FGF12: variants seen among roughly 807,000 people sequenced by gnomAD.
The protein encoded by FGF12 is fibroblast growth factor 12, also known as fibroblast growth factor 12B.
In FGF12, 14 loss-of-function variants were observed where a neutral mutation model predicts 23.6. The ratio of observed to expected loss-of-function variants is 0.59; its 90% CI spans 0.39 to 0.93. FGF12 has a LOEUF of 0.93. Ranked by LOEUF, FGF12 falls within the 40% of genes least tolerant of loss-of-function variation. The pLI, the probability that FGF12 is intolerant of heterozygous loss-of-function variation, is 0.00. For missense variants in FGF12, 175 were observed against 217.8 expected, an observed-to-expected ratio of 0.80 and a Z score of 1.24; for synonymous variants, 62 against 77.3, an observed-to-expected ratio of 0.80 and a Z score of 1.04.
intron 2 of FGF12, among the ~76,000 whole-genome samples, chr3:192,485,031 C>T (rs1445944173): frequency 6.6e-6 from 1 of 150,820 alleles, no homozygotes; most frequent in African/African-American, 2.5e-5. Flanking sequence ...TATGTGTACA[C>T]ATAAATTTTA....
chr3:192,162,283 A>C (rs28538552), intron 5 of FGF12, among the ~76,000 whole-genome samples: 5 of 151,892 alleles, frequency 3.3e-5, no homozygotes, highest in Non-Finnish European at 5.9e-5. Context: ...TCTAAGTGCT[A>C]GTTTGGAAGA....
chr3:192,258,610 T>G (rs1171125754), intron 4 of FGF12, among the ~76,000 whole-genome samples: 1 of 152,186 alleles, frequency 6.6e-6, no homozygotes. Flanking sequence ...CTTAATCTTT[T>G]GCTCTGTTGT....
chr3:192,305,165 A>C (rs2108663567), intron 4 of FGF12, among the ~76,000 whole-genome samples: 1 of 152,226 alleles, frequency 6.6e-6, no homozygotes, highest in African/African-American at 2.4e-5. Flanking sequence ...AAGATGTTTG[A>C]CTACTTTAAA....
intron 5 of FGF12, among the ~76,000 whole-genome samples, chr3:192,146,866 A>C (rs920862246): frequency 2.0e-5 from 3 of 152,212 alleles, no homozygotes; most frequent in African/African-American, 7.2e-5. Flanking sequence ...CAAAAAGACC[A>C]AAAGTCACCA....
At chr3:192,260,742 G>T (rs775824270) in intron 4 of FGF12, among the ~76,000 whole-genome samples, 1 of 152,128 alleles carries the variant, frequency 6.6e-6, no homozygotes, top group Non-Finnish European at 1.5e-5. Flanking sequence ...AGGGCTGAGA[G>T]GTGTTATCTC....
At chr3:192,683,943 T>C (rs559960569) in intron 2 of FGF12, among the ~76,000 whole-genome samples, 1 of 152,272 alleles carries the variant, frequency 6.6e-6, no homozygotes, top group South Asian at 2.1e-4. Flanking sequence ...AGAAAGAATA[T>C]CTGGAATTCT....
intron 4 of FGF12, among the ~76,000 whole-genome samples, chr3:192,281,705 AG>A (rs1277248457): frequency 6.6e-6 from 1 of 152,122 alleles, no homozygotes; most frequent in African/African-American, 2.4e-5. Flanking sequence ...CAAAGGACTG[AG>A]GTGAAAGGAT....
intron 2 of FGF12, among the ~76,000 whole-genome samples, chr3:192,666,678 C>CTTCT (rs1481653521): frequency 6.6e-6 from 1 of 152,138 alleles, no homozygotes; most frequent in African/African-American, 2.4e-5. Context: ...TCTGAGGAAA[C>CTTCT]TAAGAAAGGG....
chr3:192,341,199 G>A (rs1577369864), intron 3 of FGF12, among the ~76,000 whole-genome samples: 3 of 152,146 alleles, frequency 2.0e-5, no homozygotes, highest in Admixed American at 2.0e-4. Context: ...TGGCCAACAG[G>A]TATATGAAAA....
chr3:192,276,425 A>T (rs1713792418), intron 4 of FGF12, among the ~76,000 whole-genome samples: 2 of 152,156 alleles, frequency 1.3e-5, no homozygotes, highest in South Asian at 4.1e-4. Context: ...TAGAGTGTAG[A>T]TTCACTACTT....
chr3:192,239,225 C>A (rs1307831927), intron 4 of FGF12, among the ~76,000 whole-genome samples: 1 of 152,178 alleles, frequency 6.6e-6, no homozygotes, highest in Non-Finnish European at 1.5e-5. Context: ...ATGGTAGCAT[C>A]CATGCACTTT....
chr3:192,682,670 C>CTGAT (rs34389955), intron 2 of FGF12, among the ~76,000 whole-genome samples: 35 of 152,182 alleles, frequency 2.3e-4, no homozygotes, highest in Non-Finnish European at 4.3e-4. Flanking sequence ...TTTCCCAAAT[C>CTGAT]ATCAGAGTGT....
intron 4 of FGF12, among the ~76,000 whole-genome samples, chr3:192,286,382 T>G (rs886740751): frequency 1.3e-5 from 2 of 152,068 alleles, no homozygotes; most frequent in Non-Finnish European, 2.9e-5. Context: ...CATTCACTGT[T>G]ACTAGTGCTG....
chr3:192,261,094 G>C (rs1188403266), intron 4 of FGF12, among the ~76,000 whole-genome samples: 1 of 152,114 alleles, frequency 6.6e-6, no homozygotes, highest in Non-Finnish European at 1.5e-5. Context: ...CAGGGGCTGA[G>C]GAAGGAGCCA....
At chr3:192,577,745 T>C (rs1712971108) in intron 2 of FGF12, among the ~76,000 whole-genome samples, 1 of 152,222 alleles carries the variant, frequency 6.6e-6, no homozygotes, top group African/African-American at 2.4e-5. Context: ...TAATAACTGT[T>C]TTACTCATCT....
intron 2 of FGF12, among the ~76,000 whole-genome samples, chr3:192,700,683 T>G (rs1453940424): frequency 1.3e-5 from 2 of 152,172 alleles, no homozygotes; most frequent in African/African-American, 4.8e-5. Flanking sequence ...AGAACCCTTC[T>G]TGGCTAAAAG....
intron 3 of FGF12, among the ~76,000 whole-genome samples, chr3:192,344,008 A>AT (rs11376834): frequency 0.23 from 35,349 of 152,056 alleles, 4,268 homozygotes; most frequent in Admixed American, 0.3. Context: ...TGAGGTTGCA[A>AT]TTTTTTGAAT....
chr3:192,261,040 AG>A (rs1712716523), intron 4 of FGF12, among the ~76,000 whole-genome samples: 1 of 152,076 alleles, frequency 6.6e-6, no homozygotes, highest in South Asian at 2.1e-4. Flanking sequence ...ACAGGGGTAA[AG>A]GAACCTCACC....
chr3:192,299,222 G>A (rs1190900932), intron 4 of FGF12, among the ~76,000 whole-genome samples: 1 of 152,182 alleles, frequency 6.6e-6, no homozygotes, highest in African/African-American at 2.4e-5. Context: ...ACTGAGGGAA[G>A]GCCAAGAAGT....
Sources: allele counts gnomAD v4.1 joint callset (sites outside exome capture counted in the v4.1 genomes callset), GRCh38; gene constraint gnomAD v4.1.1; transcripts MANE v1.5; gene names NCBI Gene and HGNC (gene_info 2026-07-23, HGNC 2026-07-21).